PTPN3: variants seen among roughly 807,000 people sequenced by gnomAD.
PTPN3 encodes protein tyrosine phosphatase non-receptor type 3.
PTPN3 carries 96 observed loss-of-function variants against 132.7 expected under a neutral mutation model. The ratio of observed to expected loss-of-function variants is 0.72; its 90% CI spans 0.61 to 0.86. The LOEUF is 0.86. Among genes scored for constraint, PTPN3 ranks in the 40% least tolerant of loss-of-function variants. The pLI is 0.00. For synonymous variants in PTPN3, 398 were observed against 429.0 expected (o/e 0.93, Z 0.89); for missense variants, 1,125 against 1,159.6 (o/e 0.97, Z 0.43).
intron 5 of PTPN3, among the ~76,000 whole-genome samples, chr9:109,451,981 GAAGT>G (rs1845275805): frequency 6.6e-6 from 1 of 152,164 alleles, no homozygotes; most frequent in Admixed American, 6.5e-5. Flanking sequence ...TTAAAAAAAG[GAAGT>G]AAGGCCGGGC....
Position 109,410,383 on chromosome 9 carries a change from T to C in PTPN3, c.1346A>G (p.Tyr449Cys), listed in dbSNP as rs1246015001. 4 of 1,614,122 alleles carry C rather than the reference T, an allele frequency of 2.5e-6. No individual in the cohort carries two copies. The highest frequency in any genetic ancestry group is 1.1e-5 in the South Asian group (1 of 91,068). ...SLSENNPAQS[Y>C]LTQKSSSSVS... ...AGAACTGGATGACTTCTGGGTCAGG[T>C]AGCTTTGTGCCGGATTGTTCTCGGA... is the stretch of plus-strand genomic sequence containing the variant. The change falls in exon 15 of 26, where the codon TAC becomes TGC. Residue 449 changes from tyrosine (Y) to cysteine (C), a missense_variant. Coordinates refer to ENST00000374541, the MANE Select transcript of PTPN3 (RefSeq NM_002829.4).
At position 109,387,724 on chromosome 9, in the gene PTPN3, C is replaced by T. The variant is rs891685498; in HGVS notation, c.2253+1509G>A. Among the ~76,000 whole-genome samples the T allele has an allele frequency of 2.0e-5, 3 of 152,218 alleles. No individual in the cohort carries two copies. In the South Asian group the frequency reaches 6.2e-4, roughly 32 times the overall value. On this transcript the variant is annotated intron_variant, in intron 22 of 25. Transcript: ENST00000374541. The stretch of plus-strand genomic sequence containing the variant: ...AACGCCTCCTCTGACCCCAAAGCCC[C>T]TGCCTCTGACCGCCAGTGGGCCAGG...
At chr9:109,440,337 G>A (rs1033152654) in intron 7 of PTPN3, among the ~76,000 whole-genome samples, 4 of 152,220 alleles carry the variant, frequency 2.6e-5, no homozygotes, top group South Asian at 2.1e-4. Flanking sequence ...CACATGGTGC[G>A]TTCACAGGAA....
At chr9:109,500,470 T>C (rs1847849111), upstream of PTPN3, among the ~76,000 whole-genome samples, 1 of 151,852 alleles carries the variant, frequency 6.6e-6, no homozygotes, top group African/African-American at 2.4e-5. Context: ...AGGAACAAAA[T>C]GAAAGAATAC....
intron 5 of PTPN3, among the ~76,000 whole-genome samples, chr9:109,454,203 A>C (rs540081182): frequency 1.3e-5 from 2 of 152,248 alleles, no homozygotes; most frequent in African/African-American, 2.4e-5. Flanking sequence ...TGTGTTCAGC[A>C]GGCAGGAGAG....
the PTPN3 span, among the ~76,000 whole-genome samples, chr9:109,517,046 G>A: frequency 0.064 from 9,707 of 152,196 alleles, 457 homozygotes; most frequent in East Asian, 0.23. Context: ...ATAGGTATTC[G>A]GGTGTCATAG....
intron 9 of PTPN3, 81 bp downstream of exon 9, chr9:109,436,802 T>C: frequency 6.6e-7 from 1 of 1,521,010 alleles, no homozygotes. Flanking sequence ...AAAGAAATAG[T>C]TTCATCAAAG....
chr9:109,418,680 C>T (rs1389138218), intron 14 of PTPN3, among the ~76,000 whole-genome samples: 2 of 152,176 alleles, frequency 1.3e-5, no homozygotes, highest in African/African-American at 4.8e-5. Flanking sequence ...AGATGGAGGC[C>T]AACACTCCTG....
intron 19 of PTPN3, among the ~76,000 whole-genome samples, chr9:109,398,567 A>G (rs112249874): frequency 1.3e-5 from 2 of 152,336 alleles, no homozygotes; most frequent in African/African-American, 4.8e-5. Context: ...TGAGTTTGAC[A>G]TGACCTTTGG....
At chr9:109,439,028 C>A (rs1216856835) in intron 7 of PTPN3, among the ~76,000 whole-genome samples, 4 of 152,172 alleles carry the variant, frequency 2.6e-5, no homozygotes, top group African/African-American at 9.7e-5. Flanking sequence ...CCTTGAGACC[C>A]TTGACTGTTG....
At chr9:109,390,987 AT>A in intron 21 of PTPN3, 150 bp downstream of exon 21, 1 of 693,140 alleles carries the variant, frequency 1.4e-6, no homozygotes, top group East Asian at 2.7e-5. Flanking sequence ...AAATGAGACT[AT>A]TCTGCCTGCC....
chr9:109,496,571 T>C (rs1847678128), intron 1 of PTPN3, among the ~76,000 whole-genome samples: 2 of 152,228 alleles, frequency 1.3e-5, no homozygotes, highest in African/African-American at 2.4e-5. Context: ...AAAGATTAAA[T>C]AAGACGATAC....
chr9:109,406,689 C>A, intron 17 of PTPN3, 71 bp from the exon 18 acceptor site: 1 of 1,572,914 alleles, frequency 6.4e-7, no homozygotes, highest in Non-Finnish European at 8.7e-7. Context: ...CGCTGACTCG[C>A]TCTGCTCCCA....
chr9:109,395,033 G>A (rs533919521), intron 19 of PTPN3, among the ~76,000 whole-genome samples: 2 of 152,050 alleles, frequency 1.3e-5, no homozygotes, highest in South Asian at 4.2e-4. Flanking sequence ...CCAGCTACTC[G>A]GGAGGCTGAG....
At chr9:109,475,631 G>A (rs1701496013) in intron 1 of PTPN3, among the ~76,000 whole-genome samples, 1 of 152,120 alleles carries the variant, frequency 6.6e-6, no homozygotes, top group South Asian at 2.1e-4. Context: ...AAAATACTCT[G>A]CTAATATTTG....
At chr9:109,451,335 T>C (rs903849678) in intron 5 of PTPN3, 2 of 976,932 alleles carry the variant, frequency 2.0e-6, no homozygotes, top group African/African-American at 1.8e-5. Context: ...GGTGCCCAAA[T>C]CCCAGAAGGT....
chr9:109,442,629 G>C (rs1192191301), intron 7 of PTPN3, among the ~76,000 whole-genome samples: 1 of 152,162 alleles, frequency 6.6e-6, no homozygotes, highest in Non-Finnish European at 1.5e-5. Context: ...AGAATTTACT[G>C]TTTACAACAG....
At chr9:109,532,765 G>T in the PTPN3 span, 1 of 452,570 alleles carries the variant, frequency 2.2e-6, no homozygotes. Flanking sequence ...TCTTATTGCT[G>T]GAATTTCATA....
At chr9:109,381,590 G>T (rs1839090737) in intron 25 of PTPN3, 62 bp downstream of exon 25, 1 of 1,588,914 alleles carries the variant, frequency 6.3e-7, no homozygotes, top group African/African-American at 1.3e-5. Context: ...CCTTCTCTCA[G>T]GCCTGCCTGG....
Sources: gnomAD v4.1 joint callset for allele counts (sites outside exome capture counted in the v4.1 genomes callset) on GRCh38, gnomAD v4.1.1 for gene constraint, MANE v1.5 for transcripts, NCBI Gene and HGNC (gene_info 2026-07-23, HGNC 2026-07-21) for gene names.